Variants in KCNH5 observed in about 807,000 individuals in gnomAD.
KCNH5 encodes the protein voltage-gated delayed rectifier potassium channel KCNH5.
KCNH5 carries 46 observed loss-of-function variants against 96.1 expected under a neutral mutation model. The ratio of observed to expected loss-of-function variants is 0.48; its 90% CI spans 0.38 to 0.61. The LOEUF is 0.61. Ranked by LOEUF, KCNH5 falls within the 20% of genes least tolerant of loss-of-function variation. KCNH5 has a pLI of 0.00. For synonymous variants in KCNH5, 439 were observed against 449.8 expected, an observed-to-expected ratio of 0.98 and a Z score of 0.30; for missense variants, 907 against 1,225.8, an observed-to-expected ratio of 0.74 and a Z score of 3.88.
At chr14:63,020,889 T>A (rs1362858707) in intron 1 of KCNH5, among the ~76,000 whole-genome samples, 1 of 152,178 alleles carries the variant, frequency 6.6e-6, no homozygotes, top group African/African-American at 2.4e-5. Context: ...ACCTTAGTTA[T>A]GAGGATGGTA....
intron 9 of KCNH5, among the ~76,000 whole-genome samples, chr14:62,792,231 T>G (rs1463823234): frequency 6.6e-6 from 1 of 151,572 alleles, no homozygotes; most frequent in East Asian, 1.9e-4. Flanking sequence ...GTCATTATGT[T>G]AAAAATTATC....
At chr14:62,958,917 T>A (rs753212553) in intron 6 of KCNH5, among the ~76,000 whole-genome samples, 1 of 152,056 alleles carries the variant, frequency 6.6e-6, no homozygotes, top group Non-Finnish European at 1.5e-5. Flanking sequence ...CAAAACTCCA[T>A]CCATACCCTC....
intron 1 of KCNH5, among the ~76,000 whole-genome samples, chr14:63,041,727 C>T (rs1227492766): frequency 6.7e-6 from 1 of 149,134 alleles, no homozygotes; most frequent in Non-Finnish European, 1.5e-5. Flanking sequence ...CTCAATGGCC[C>T]TCATTATTTT....
intron 10 of KCNH5, among the ~76,000 whole-genome samples, chr14:62,720,716 T>C (rs991468342): frequency 6.6e-6 from 1 of 152,170 alleles, no homozygotes; most frequent in Non-Finnish European, 1.5e-5. Context: ...GGTTTGTGGA[T>C]GTGCTGGATG....
chr14:62,977,219 T>C (rs1165067155), intron 6 of KCNH5, among the ~76,000 whole-genome samples: 3 of 151,900 alleles, frequency 2.0e-5, no homozygotes, highest in Non-Finnish European at 4.4e-5. Context: ...TAAAAAAAAT[T>C]AGCCGAGTGT....
intron 8 of KCNH5, among the ~76,000 whole-genome samples, chr14:62,826,982 G>A (rs1887240366): frequency 6.6e-6 from 1 of 151,932 alleles, no homozygotes; most frequent in Non-Finnish European, 1.5e-5. Flanking sequence ...TACATGAAAG[G>A]AGAAAAGAAA....
chr14:62,998,057 A>T (rs1890942833), intron 4 of KCNH5, among the ~76,000 whole-genome samples: 1 of 152,136 alleles, frequency 6.6e-6, no homozygotes, highest in South Asian at 2.1e-4. Flanking sequence ...TTGAACTGGT[A>T]TTATTTCTTC....
At chr14:62,977,821 G>T (rs1473801488) in intron 6 of KCNH5, among the ~76,000 whole-genome samples, 1 of 152,150 alleles carries the variant, frequency 6.6e-6, no homozygotes, top group Non-Finnish European at 1.5e-5. Context: ...GTAAATGCCT[G>T]GGAAGGACAA....
intron 1 of KCNH5, among the ~76,000 whole-genome samples, chr14:63,027,689 A>T (rs2139619729): frequency 6.6e-6 from 1 of 152,138 alleles, no homozygotes; most frequent in Middle Eastern, 3.4e-3. Context: ...TTTTTTAAAA[A>T]ATTTTTAAGA....
chr14:62,764,783 A>G (rs969712475), intron 10 of KCNH5, among the ~76,000 whole-genome samples: 1 of 152,168 alleles, frequency 6.6e-6, no homozygotes, highest in Non-Finnish European at 1.5e-5. Flanking sequence ...CACACACACA[A>G]AAATAAAGTA....
At chr14:62,952,989 G>C (rs1890035650) in intron 6 of KCNH5, among the ~76,000 whole-genome samples, 2 of 151,808 alleles carry the variant, frequency 1.3e-5, no homozygotes, top group South Asian at 4.2e-4. Flanking sequence ...AGACATACTT[G>C]ATATATAAAG....
At chr14:62,986,034 C>T (rs1890700857) in intron 5 of KCNH5, among the ~76,000 whole-genome samples, 1 of 152,166 alleles carries the variant, frequency 6.6e-6, no homozygotes, top group African/African-American at 2.4e-5. Context: ...AATGTGTTCA[C>T]TCTAATCTTA....
chr14:62,759,038 T>C (rs956019299), intron 10 of KCNH5, among the ~76,000 whole-genome samples: 22 of 151,560 alleles, frequency 1.5e-4, no homozygotes, highest in African/African-American at 4.6e-4. Flanking sequence ...TGATCTCAAA[T>C]TTTTAGTTCT....
intron 7 of KCNH5, among the ~76,000 whole-genome samples, chr14:62,918,466 C>T (rs1050591589): frequency 6.6e-6 from 1 of 151,894 alleles, no homozygotes; most frequent in Non-Finnish European, 1.5e-5. Context: ...AAACTATTTG[C>T]AACACGTAAG....
intron 1 of KCNH5, among the ~76,000 whole-genome samples, chr14:63,024,252 C>CCACAACAT (rs1891485246): frequency 6.6e-6 from 1 of 150,386 alleles, no homozygotes; most frequent in South Asian, 2.1e-4. Context: ...GAAAACAGAA[C>CCACAACAT]CACAACATAC....
At chr14:62,944,810 A>G (rs983966943) in intron 7 of KCNH5, among the ~76,000 whole-genome samples, 1 of 152,126 alleles carries the variant, frequency 6.6e-6, no homozygotes. Flanking sequence ...ATTTAAAGGT[A>G]TCTCCCTGGA....
rs1891906632 is a variant in KCNH5, at chr14:63,045,402, C to A, written c.-216G>T. 5.3e-6 allele frequency: 3 copies of A among 567,316 alleles called. No individual in the cohort carries two copies. Among genetic ancestry groups the A allele is most frequent in the African/African-American group, 1.9e-5 (1 of 53,104 alleles). The allele number at this position is 567,316 out of a possible 1,614,324, so 35.1% of individuals were successfully genotyped here. On this transcript the variant is annotated 5_prime_UTR_variant, in exon 1 of 11. Coordinates refer to ENST00000322893, the MANE Select transcript of KCNH5 (RefSeq NM_139318.5). ...CCAGGCAGTTCATGGTAGTAGCGCTCCCCCGGCCGCCGCTGCCCAGACTGT... is the reference window on the plus strand; with the variant it reads ...CCAGGCAGTTCATGGTAGTAGCGCTACCCCGGCCGCCGCTGCCCAGACTGT...
intron 8 of KCNH5, among the ~76,000 whole-genome samples, chr14:62,804,342 G>T (rs190600577): frequency 6.6e-6 from 1 of 152,092 alleles, no homozygotes; most frequent in Admixed American, 6.6e-5. Flanking sequence ...TTTCTATAAG[G>T]CAATGTTTTA....
intron 10 of KCNH5, among the ~76,000 whole-genome samples, chr14:62,725,852 A>C (rs1884914226): frequency 6.6e-6 from 1 of 152,258 alleles, no homozygotes; most frequent in South Asian, 2.1e-4. Flanking sequence ...TAGCCAAAGC[A>C]ATATTCATTA....
Sources: gnomAD v4.1 joint callset for allele counts (sites outside exome capture counted in the v4.1 genomes callset) on GRCh38, gnomAD v4.1.1 for gene constraint, MANE v1.5 for transcripts, NCBI Gene and HGNC (gene_info 2026-07-23, HGNC 2026-07-21) for gene names.